The following HCST variants were observed in gnomAD, a reference collection of about 807,000 sequenced individuals.
The protein encoded by HCST is DNAX-activation protein 10.
HCST carries 12 observed loss-of-function variants against 10.8 expected under a neutral mutation model. The ratio of observed to expected loss-of-function variants is 1.12; its 90% CI spans 0.72 to 1.81. HCST has a LOEUF of 1.81. Ranked by LOEUF, HCST falls within the 40% of genes most tolerant of loss-of-function variation. The pLI is 0.00. For synonymous variants in HCST, 59 were observed against 51.6 expected, an observed-to-expected ratio of 1.14 and a Z score of -0.61; for missense variants, 102 against 117.9, an observed-to-expected ratio of 0.87 and a Z score of 0.62.
chr19:35,903,364 GA>G lies in HCST; in HGVS notation c.58del (p.Thr20ArgfsTer85), dbSNP rs1418638467. On this transcript the variant is annotated frameshift_variant, in exon 2 of 4. Transcript: ENST00000246551. LOFTEE classifies it high-confidence loss of function. ...CTCTTTCCACAGTGGCTGCAGCTCA[GA>G]CGACTCCAGGAGAGAGATCATCACT... ...LLLLPVAAAQ[T>X]TPGERSSLPA... 10 of 1,613,614 alleles carry G rather than the reference GA, an allele frequency of 6.2e-6. No homozygotes were observed. The highest frequency in any genetic ancestry group is 8.5e-6 in the Non-Finnish European group (10 of 1,179,882).
intron 1 of HCST, chr19:35,903,115 C>T (rs1975621858): frequency 4.1e-6 from 2 of 490,698 alleles, no homozygotes; most frequent in Admixed American, 6.6e-5. Flanking sequence ...CTCAGCCTCC[C>T]GAGTAACTGG....
At position 35,902,790 on chromosome 19, in the gene HCST, G is replaced by C. The variant is rs1292609108; in HGVS notation, c.43+154G>C. 3 of 722,088 alleles carry C rather than the reference G, an allele frequency of 4.2e-6. No homozygotes were observed. The East Asian group carries it at 8.0e-5, about 19-fold the overall frequency. The allele number at this position is 722,088 out of a possible 1,614,324, so 44.7% of individuals were successfully genotyped here. On this transcript the variant is annotated intron_variant, in intron 1 of 3. Coordinates refer to ENST00000246551, the MANE Select transcript of HCST (RefSeq NM_014266.4). ...TTCTGCTTCAGGGCCTGGGTCCTTG[G>C]GGGCGGAAGGGGGTGAGACAGGGAG...
At position 35,904,263 on chromosome 19, in the gene HCST, T is replaced by C. The variant is rs1052137356; in HGVS notation, c.*103T>C. On this transcript the variant is annotated 3_prime_UTR_variant, in exon 4 of 4. Transcript: ENST00000246551. The stretch of plus-strand genomic sequence containing the variant: ...AACTTTTGGATTGTAATAAAACAAT[T>C]GAAACACCTGTAGTCGTATTCTTTC... 3.1e-5 allele frequency: 36 copies of C among 1,178,816 alleles called. No individual in the cohort carries two copies. The highest frequency in any genetic ancestry group is 4.4e-5 in the Non-Finnish European group (35 of 792,598). The allele number at this position is 1,178,816 out of a possible 1,614,324, so 73.0% of individuals were successfully genotyped here. A position where few individuals can be genotyped will look rare whatever the true frequency, so the allele number is the denominator to read the frequency against.
intron 1 of HCST, 71 bp from the exon 2 acceptor site, chr19:35,903,280 G>A: frequency 2.9e-6 from 4 of 1,374,660 alleles, no homozygotes; most frequent in Non-Finnish European, 4.1e-6. Flanking sequence ...CGTGAGCCAC[G>A]GTGCCAGGCT....
At chr19:35,903,317 TCCACCCTCATCCA>T (rs780400655) in intron 1 of HCST, 21 bp from the exon 2 acceptor site, 58 of 1,592,208 alleles carry the variant, frequency 3.6e-5, no homozygotes, top group Admixed American at 8.3e-5. Context: ...GGACCTTCTC[TCCACCCTCATCCA>T]CCTTCTTTCT....
intron 2 of HCST, 61 bp downstream of exon 2, chr19:35,903,477 G>T: frequency 7.1e-7 from 1 of 1,412,504 alleles, no homozygotes; most frequent in Non-Finnish European, 1.0e-6. Flanking sequence ...TGGTTCTCCA[G>T]GTCACCATCC....
At chr19:35,902,694 G>C in intron 1 of HCST, 58 bp downstream of exon 1, 1 of 1,556,262 alleles carries the variant, frequency 6.4e-7, no homozygotes, top group Non-Finnish European at 8.9e-7. Flanking sequence ...GGGTGCTTGG[G>C]TGACGTCTGC....
chr19:35,902,956 C>G (rs1166617978), intron 1 of HCST: 1 of 450,916 alleles, frequency 2.2e-6, no homozygotes, highest in African/African-American at 2.0e-5. Flanking sequence ...GAGATTACTT[C>G]TCAGGACACT....
intron 3 of HCST, 31 bp downstream of exon 3, chr19:35,903,934 G>A: frequency 6.3e-7 from 1 of 1,599,224 alleles, no homozygotes; most frequent in Non-Finnish European, 8.5e-7. Flanking sequence ...GGCCTGGAAG[G>A]TGTATAGTGT....
At position 35,903,354 on chromosome 19, in the gene HCST, C is replaced by G. The variant is rs370640844; in HGVS notation, c.47C>G (p.Ala16Gly). 1 of 1,613,532 alleles carries G rather than the reference C, an allele frequency of 6.2e-7. No homozygotes were observed. Among genetic ancestry groups the G allele is most frequent in the Non-Finnish European group, 8.5e-7 (1 of 1,179,666 alleles). ...CACCTTCTTTCTCTTTCCACAGTGGCTGCAGCTCAGACGACTCCAGGAGAG... is the reference window on the plus strand; with the variant it reads ...CACCTTCTTTCTCTTTCCACAGTGGGTGCAGCTCAGACGACTCCAGGAGAG... ...HILFLLLLPV[A>G]AAQTTPGERS... Residue 16 changes from alanine (A) to glycine (G), a missense_variant, in exon 2 of 4, where the codon GCT becomes GGT. By Grantham distance (60) the Ala-to-Gly change is moderately conservative. Transcript: ENST00000246551.
chr19:35,904,067 G>A, intron 3 of HCST, 53 bp from the exon 4 acceptor site: 1 of 1,610,838 alleles, frequency 6.2e-7, no homozygotes, highest in Non-Finnish European at 8.5e-7. Context: ...GGGTCCCCAG[G>A]GAAGTGGAGA....
chr19:35,904,161 C>T lies in HCST; in HGVS notation c.*1C>T. ...CATCAACATGCCAGGCAGGGGCTGA[C>T]CCTCCTGCAGCTTGGACCTTTGACT... On this transcript the variant is annotated 3_prime_UTR_variant, in exon 4 of 4. Transcript: ENST00000246551. 1 of 1,614,076 alleles carries T rather than the reference C, an allele frequency of 6.2e-7. No homozygotes were observed. The highest frequency in any genetic ancestry group is 1.1e-5 in the South Asian group (1 of 91,082).
Position 35,904,205 on chromosome 19 carries a change from G to A in HCST, c.*45G>A. The stretch of plus-strand genomic sequence containing the variant: ...TTTGACTTCTGACCCTCTCATCCTG[G>A]ATGGTGTGTGGTGGCACAGGAACCC... On this transcript the variant is annotated 3_prime_UTR_variant, in exon 4 of 4. Coordinates refer to ENST00000246551, the MANE Select transcript of HCST (RefSeq NM_014266.4). 1.9e-6 allele frequency: 3 copies of A among 1,599,904 alleles called. No individual in the cohort carries two copies. The highest frequency in any genetic ancestry group is 2.6e-6 in the Non-Finnish European group (3 of 1,167,232).
Position 35,904,346 on chromosome 19 carries a change from G to T in HCST, c.*186G>T. ...CCCATGAACTGTTTCTGGATCCAAGGCCCCCTCAGAACCCCCACATGTCCC... is the reference window on the plus strand; with the variant it reads ...CCCATGAACTGTTTCTGGATCCAAGTCCCCCTCAGAACCCCCACATGTCCC... On this transcript the variant is annotated 3_prime_UTR_variant, in exon 4 of 4. Coordinates refer to ENST00000246551, the MANE Select transcript of HCST (RefSeq NM_014266.4). The T allele has an allele frequency of 7.3e-6, 6 of 816,922 alleles. No individual in the cohort carries two copies. Among genetic ancestry groups the T allele is most frequent in the South Asian group, 7.3e-5 (5 of 68,722 alleles). 50.6% of individuals were successfully genotyped at this position (816,922 alleles called of 1,614,324 possible). A position where few individuals can be genotyped will look rare whatever the true frequency, so the allele number is the denominator to read the frequency against.
chr19:35,902,672 C>G (rs562529221), intron 1 of HCST, 36 bp downstream of exon 1: 4 of 1,609,532 alleles, frequency 2.5e-6, no homozygotes, highest in Non-Finnish European at 2.6e-6. Flanking sequence ...GTAGGCAGAG[C>G]GTTTGTGAGA....
intron 1 of HCST, 165 bp downstream of exon 1, chr19:35,902,801 G>A: frequency 1.5e-6 from 1 of 671,954 alleles, no homozygotes; most frequent in South Asian, 1.9e-5. Context: ...GGGCGGAAGG[G>A]GGTGAGACAG....
At chr19:35,902,984 C>G in intron 1 of HCST, 1 of 427,758 alleles carries the variant, frequency 2.3e-6, no homozygotes, top group Non-Finnish European at 4.3e-6. Flanking sequence ...CTTCTCTACA[C>G]CCTATTTTTT....
At chr19:35,903,548 C>T in intron 2 of HCST, 132 bp downstream of exon 2, 1 of 1,065,060 alleles carries the variant, frequency 9.4e-7, no homozygotes, top group Non-Finnish European at 1.4e-6. Flanking sequence ...ATCAGCGACC[C>T]CCAGCCTGTG....
intron 3 of HCST, 53 bp downstream of exon 3, chr19:35,903,956 G>A (rs8105153): frequency 0.026 from 40,955 of 1,580,742 alleles, 2,191 homozygotes; most frequent in African/African-American, 0.21. Flanking sequence ...CCTAGGGAGG[G>A]GGTCCCAGGG....
Sources: allele counts gnomAD v4.1 joint callset, GRCh38; gene constraint gnomAD v4.1.1; transcripts MANE v1.5; gene names NCBI Gene and HGNC (gene_info 2026-07-23, HGNC 2026-07-21).